The following TAFA2 variants were observed in gnomAD, a reference collection of about 807,000 sequenced individuals.
TAFA2 encodes chemokine-like protein TAFA-2.
A neutral mutation model predicts 18.8 loss-of-function variants in TAFA2; 7 were observed. That is an observed-to-expected ratio of 0.37 (90% CI 0.21 to 0.70). The LOEUF (loss-of-function observed/expected upper bound fraction) is 0.70. Ranked by LOEUF, TAFA2 falls within the 30% of genes least tolerant of loss-of-function variation. The probability of loss-of-function intolerance (pLI) is 0.53; values close to 1 mark genes in which losing one functional copy is unlikely to be tolerated. For synonymous variants in TAFA2, 60 were observed against 54.2 expected (o/e 1.11, Z -0.47); for missense variants, 122 against 158.1 (o/e 0.77, Z 1.23).
chr12:61,854,610 G>A (rs1217639353), intron 2 of TAFA2, among the ~76,000 whole-genome samples: 1 of 151,764 alleles, frequency 6.6e-6, no homozygotes, highest in Non-Finnish European at 1.5e-5. Flanking sequence ...CACAATCAAA[G>A]GATAAAGATT....
chr12:62,221,082 CG>C (rs2062758730), intron 1 of TAFA2, among the ~76,000 whole-genome samples: 1 of 148,722 alleles, frequency 6.7e-6, no homozygotes, highest in Admixed American at 6.7e-5. Flanking sequence ...CCAGCCTGAG[CG>C]ACAGAGCGAG....
At chr12:61,943,269 C>A (rs1878114011) in intron 1 of TAFA2, among the ~76,000 whole-genome samples, 1 of 145,590 alleles carries the variant, frequency 6.9e-6, no homozygotes, top group Non-Finnish European at 1.5e-5. Context: ...ATTTTGTCAC[C>A]ACCAGGCCTG....
Position 61,723,018 on chromosome 12 carries a change from C to T in TAFA2, c.385-12601G>A, listed in dbSNP as rs150470976. On this transcript the variant is annotated intron_variant, in intron 4 of 4. Coordinates refer to ENST00000416284, the MANE Select transcript of TAFA2 (RefSeq NM_178539.5). ...TCTCCCCTTCTTCCCAATGTCTCCACAAAACATGCATGCACCACTCTAGTC... is the reference window on the plus strand; with the variant it reads ...TCTCCCCTTCTTCCCAATGTCTCCATAAAACATGCATGCACCACTCTAGTC... 1.3e-4 allele frequency among the ~76,000 whole-genome samples: 20 copies of T among 152,262 alleles called. No individual in the cohort carries two copies. The East Asian group carries it at 3.3e-3, about 25-fold the overall frequency.
chr12:62,223,370 G>A (rs1296569358), intron 1 of TAFA2, among the ~76,000 whole-genome samples: 2 of 152,078 alleles, frequency 1.3e-5, no homozygotes, highest in Non-Finnish European at 2.9e-5. Flanking sequence ...TGGAGATGAG[G>A]TCTCCGTATG....
At chr12:62,135,167 C>G (rs1183176520) in intron 1 of TAFA2, among the ~76,000 whole-genome samples, 3 of 151,930 alleles carry the variant, frequency 2.0e-5, no homozygotes, top group African/African-American at 7.2e-5. Context: ...AGCTGAAACA[C>G]ATAGTAGGTG....
intron 1 of TAFA2, among the ~76,000 whole-genome samples, chr12:62,147,336 A>ATATATATGTGTG (rs2062291733): frequency 2.9e-5 from 2 of 68,420 alleles, no homozygotes; most frequent in Non-Finnish European, 5.7e-5. Context: ...GTATATATAT[A>ATATATATGTGTG]TATATATATA....
At chr12:62,041,119 G>GA (rs1338606844) in intron 1 of TAFA2, among the ~76,000 whole-genome samples, 1 of 152,100 alleles carries the variant, frequency 6.6e-6, no homozygotes, top group African/African-American at 2.4e-5. Context: ...CTAAAGCTGA[G>GA]AAAAAACTAA....
rs568746469 is a variant in TAFA2, at chr12:61,807,119, G to A, written c.107-52095C>T. 9.2e-5 allele frequency among the ~76,000 whole-genome samples: 14 copies of A among 151,422 alleles called. No individual in the cohort carries two copies. In the South Asian group the frequency reaches 2.9e-3, roughly 31 times the overall value. The stretch of plus-strand genomic sequence containing the variant: ...GGGCATGTCAGACGTCTTCATAGCA[G>A]GACCTCCCATTACAGGCCAGGAGGT... On this transcript the variant is annotated intron_variant, in intron 2 of 4. Transcript: ENST00000416284.
intron 2 of TAFA2, among the ~76,000 whole-genome samples, chr12:61,856,585 T>A (rs1262140733): frequency 6.6e-6 from 1 of 152,016 alleles, no homozygotes; most frequent in East Asian, 1.9e-4. Context: ...ATGCATACAT[T>A]TTAACATGTA....
At chr12:62,207,790 C>G (rs1302673318) in intron 1 of TAFA2, among the ~76,000 whole-genome samples, 1 of 152,208 alleles carries the variant, frequency 6.6e-6, no homozygotes, top group Non-Finnish European at 1.5e-5. Flanking sequence ...ATCTGAGTTA[C>G]AAGCACGTAG....
intron 1 of TAFA2, among the ~76,000 whole-genome samples, chr12:61,960,479 G>C (rs1294464431): frequency 6.6e-6 from 1 of 152,002 alleles, no homozygotes; most frequent in East Asian, 1.9e-4. Flanking sequence ...TAAGTTTATA[G>C]TGACTCATTT....
In TAFA2 at chr12:62,179,257, T is replaced by C. The variant is rs531355129; in HGVS notation, c.-2+12002A>G. Reference sequence around the variant, plus strand: ...AAGGTGAAGAATTATGACACATTCCTCAACCTCAAGAATTTCACATTCTAG... The same window carrying C: ...AAGGTGAAGAATTATGACACATTCCCCAACCTCAAGAATTTCACATTCTAG... On this transcript the variant is annotated intron_variant, in intron 1 of 4. Transcript: ENST00000416284. Among the ~76,000 whole-genome samples the C allele has an allele frequency of 5.3e-5, 8 of 152,304 alleles. No individual in the cohort carries two copies. The South Asian group carries it at 1.7e-3, about 32-fold the overall frequency.
At chr12:62,001,211 A>C (rs1299849914) in intron 1 of TAFA2, among the ~76,000 whole-genome samples, 3 of 152,090 alleles carry the variant, frequency 2.0e-5, no homozygotes, top group African/African-American at 7.2e-5. Flanking sequence ...GATCTCTTTT[A>C]TCCATTCAGC....
intron 1 of TAFA2, among the ~76,000 whole-genome samples, chr12:62,138,385 T>C (rs1317736605): frequency 6.6e-6 from 1 of 152,224 alleles, no homozygotes; most frequent in African/African-American, 2.4e-5. Flanking sequence ...TATCATTTGA[T>C]ATACCTTTAA....
At chr12:61,752,144 C>G (rs1869048599) in intron 4 of TAFA2, among the ~76,000 whole-genome samples, 1 of 151,938 alleles carries the variant, frequency 6.6e-6, no homozygotes, top group Non-Finnish European at 1.5e-5. Context: ...GTTTACTCAT[C>G]TGTAAAAGGA....
intron 1 of TAFA2, among the ~76,000 whole-genome samples, chr12:62,066,785 A>T (rs998534232): frequency 1.3e-5 from 2 of 152,002 alleles, no homozygotes; most frequent in African/African-American, 4.8e-5. Flanking sequence ...GGGAATGCAG[A>T]TATATTTTCA....
chr12:62,086,326 T>C (rs1485746985), intron 1 of TAFA2, among the ~76,000 whole-genome samples: 1 of 152,124 alleles, frequency 6.6e-6, no homozygotes, highest in Non-Finnish European at 1.5e-5. Flanking sequence ...AACTTTTGTA[T>C]GTCAGAGGAC....
intron 1 of TAFA2, among the ~76,000 whole-genome samples, chr12:61,954,898 C>T (rs1565694674): frequency 6.6e-6 from 1 of 152,114 alleles, no homozygotes; most frequent in Non-Finnish European, 1.5e-5. Context: ...GGTTCATTGA[C>T]TTACACAAAA....
intron 1 of TAFA2, among the ~76,000 whole-genome samples, chr12:61,904,267 T>C (rs1033004314): frequency 1.3e-5 from 2 of 152,094 alleles, no homozygotes; most frequent in African/African-American, 4.8e-5. Context: ...CAGTATGGAA[T>C]CTGGACACTT....
Sources: allele counts gnomAD v4.1 joint callset (sites outside exome capture counted in the v4.1 genomes callset), GRCh38; gene constraint gnomAD v4.1.1; transcripts MANE v1.5; gene names NCBI Gene and HGNC (gene_info 2026-07-23, HGNC 2026-07-21).